The following EFNA5 variants were observed in gnomAD, a reference collection of about 807,000 sequenced individuals.
EFNA5 encodes the protein ephrin-A5.
In EFNA5, 5 loss-of-function variants were observed where a neutral mutation model predicts 22.9. That is an observed-to-expected ratio of 0.22 (90% confidence interval 0.11 to 0.46). EFNA5 has a LOEUF of 0.46. Ranked by LOEUF, EFNA5 falls within the 20% of genes least tolerant of loss-of-function variation. The probability of loss-of-function intolerance (pLI) is 0.99; values close to 1 mark genes in which losing one functional copy is unlikely to be tolerated. For synonymous variants in EFNA5, 113 were observed against 112.2 expected (o/e 1.01, Z -0.04); for missense variants, 237 against 293.3 (o/e 0.81, Z 1.40).
rs1385888674 is a variant in EFNA5, at chr5:107,617,237, C to CACACACAGAG, written c.125+53251_125+53252insCTCTGTGTGT. Among the ~76,000 whole-genome samples, 7 of 144,552 alleles carry CACACACAGAG rather than the reference C, an allele frequency of 4.8e-5. No homozygotes were observed. In the East Asian group the frequency reaches 8.1e-4, roughly 17 times the overall value. The allele number at this position is 144,552 out of a possible 152,430, so 94.8% of individuals were successfully genotyped here. A position where few individuals can be genotyped will look rare whatever the true frequency, so the allele number is the denominator to read the frequency against. On this transcript the variant is annotated intron_variant, in intron 1 of 4. Coordinates refer to ENST00000333274, the MANE Select transcript of EFNA5 (RefSeq NM_001962.3). The stretch of plus-strand genomic sequence containing the variant: ...ACACACACACACACACACACACACA[C>CACACACAGAG]AGAGAGAGAGAGAGAGAGAGAAAGA...
At chr5:107,495,479 G>A (rs1746952169) in intron 1 of EFNA5, among the ~76,000 whole-genome samples, 1 of 152,228 alleles carries the variant, frequency 6.6e-6, no homozygotes, top group Non-Finnish European at 1.5e-5. Flanking sequence ...CCTCATTCTT[G>A]AAGTCAGTGA....
At chr5:107,495,030 C>T (rs1328574188) in intron 1 of EFNA5, among the ~76,000 whole-genome samples, 3 of 152,142 alleles carry the variant, frequency 2.0e-5, no homozygotes, top group African/African-American at 4.8e-5. Flanking sequence ...ACAGACCACT[C>T]AGCTCTACCA....
rs576587026 is a variant in EFNA5 at position 107,608,262 on chromosome 5, A to G, written c.125+62227T>C. Reference sequence around the variant, plus strand: ...TGCTTGCTTTTCAGTTCAGTCCCCAAATGGCTCCGCCATTCTGTGATTCAC... The same window carrying G: ...TGCTTGCTTTTCAGTTCAGTCCCCAGATGGCTCCGCCATTCTGTGATTCAC... On this transcript the variant is annotated intron_variant, in intron 1 of 4. Coordinates refer to ENST00000333274, the MANE Select transcript of EFNA5 (RefSeq NM_001962.3). Among the ~76,000 whole-genome samples the G allele has an allele frequency of 7.2e-5, 11 of 152,202 alleles. No homozygotes were observed. In the East Asian group the frequency reaches 9.7e-4, roughly 13 times the overall value.
intron 2 of EFNA5, among the ~76,000 whole-genome samples, chr5:107,420,522 T>TAAAAAAAA (rs368304882): frequency 9.2e-6 from 1 of 109,058 alleles, no homozygotes; most frequent in African/African-American, 3.8e-5. Context: ...TCTGTGCTTT[T>TAAAAAAAA]AAAAAAAAAA....
At chr5:107,581,732 G>T (rs1749076627) in intron 1 of EFNA5, among the ~76,000 whole-genome samples, 1 of 152,120 alleles carries the variant, frequency 6.6e-6, no homozygotes, top group South Asian at 2.1e-4. Flanking sequence ...GTGTGTAAAT[G>T]GGAACAGGGA....
chr5:107,506,905 T>G (rs1481886389), intron 1 of EFNA5, among the ~76,000 whole-genome samples: 6 of 152,206 alleles, frequency 3.9e-5, no homozygotes, highest in Admixed American at 3.3e-4. Context: ...GTTTTTAATG[T>G]AAGTAAAAAT....
intron 1 of EFNA5, among the ~76,000 whole-genome samples, chr5:107,659,679 T>TA (rs1017426830): frequency 6.1e-5 from 9 of 148,444 alleles, no homozygotes; most frequent in Non-Finnish European, 7.5e-5. Context: ...TAGAGCTAAG[T>TA]AAAAAAAAAA....
intron 1 of EFNA5, among the ~76,000 whole-genome samples, chr5:107,583,000 T>C (rs78281258): frequency 0.13 from 19,747 of 152,086 alleles, 1,373 homozygotes; most frequent in Non-Finnish European, 0.15. Context: ...TTTAATTCCC[T>C]CCTATAGGGA....
At chr5:107,476,056 A>ATATATATATATATATATATTTTTT (rs1454967869) in intron 1 of EFNA5, among the ~76,000 whole-genome samples, 1 of 115,404 alleles carries the variant, frequency 8.7e-6, no homozygotes, top group African/African-American at 3.5e-5. Context: ...CTATATATAT[A>ATATATATATATATATATATTTTTT]TTTTTTTTTT....
At chr5:107,574,134 T>A (rs1004020516) in intron 1 of EFNA5, among the ~76,000 whole-genome samples, 6 of 152,224 alleles carry the variant, frequency 3.9e-5, no homozygotes, top group African/African-American at 1.4e-4. Context: ...ATGATAACTA[T>A]CAATTGGTTT....
chr5:107,537,532 G>T (rs1365290805), intron 1 of EFNA5, among the ~76,000 whole-genome samples: 1 of 152,206 alleles, frequency 6.6e-6, no homozygotes. Flanking sequence ...ACAGGAGCCA[G>T]GAGTTGCAGT....
At chr5:107,439,932 T>C (rs1749213312) in intron 1 of EFNA5, among the ~76,000 whole-genome samples, 1 of 152,238 alleles carries the variant, frequency 6.6e-6, no homozygotes. Context: ...AGGTACTTTG[T>C]TAACACCAGA....
At chr5:107,566,421 G>A (rs1430656779) in intron 1 of EFNA5, among the ~76,000 whole-genome samples, 2 of 152,136 alleles carry the variant, frequency 1.3e-5, no homozygotes, top group Non-Finnish European at 2.9e-5. Context: ...AAGTTCAAAC[G>A]TAAAGGAAAA....
chr5:107,474,587 T>C (rs1166104785), intron 1 of EFNA5, among the ~76,000 whole-genome samples: 1 of 152,148 alleles, frequency 6.6e-6, no homozygotes, highest in Admixed American at 6.6e-5. Context: ...GAACGAGGAA[T>C]GGTTTAATTG....
intron 1 of EFNA5, among the ~76,000 whole-genome samples, chr5:107,568,041 C>T (rs1220595232): frequency 6.6e-6 from 1 of 152,094 alleles, no homozygotes; most frequent in Non-Finnish European, 1.5e-5. Flanking sequence ...GGACTACAGG[C>T]ACATGCCACC....
At chr5:107,581,051 G>T (rs575784741) in intron 1 of EFNA5, among the ~76,000 whole-genome samples, 5 of 152,172 alleles carry the variant, frequency 3.3e-5, no homozygotes, top group African/African-American at 1.2e-4. Flanking sequence ...AGATGTGTGT[G>T]TACAAAATAT....
intron 2 of EFNA5, among the ~76,000 whole-genome samples, chr5:107,395,052 T>TTTTTTTTTTTTTTTC (rs1554056358): frequency 2.8e-5 from 4 of 144,194 alleles, no homozygotes; most frequent in Non-Finnish European, 3.0e-5. Context: ...TTTTTTTTTT[T>TTTTTTTTTTTTTTTC]CCGCGAGACA....
At chr5:107,451,047 TG>T (rs1279624213) in intron 1 of EFNA5, among the ~76,000 whole-genome samples, 1 of 152,252 alleles carries the variant, frequency 6.6e-6, no homozygotes, top group Non-Finnish European at 1.5e-5. Context: ...GCATAAAAGC[TG>T]GAGGTCTTAC....
chr5:107,589,539 G>A (rs893207339), intron 1 of EFNA5, among the ~76,000 whole-genome samples: 26 of 152,142 alleles, frequency 1.7e-4, no homozygotes, highest in African/African-American at 6.0e-4. Flanking sequence ...TTTAAAAACT[G>A]CAGAATGAAG....
Sources: gnomAD v4.1 joint callset for allele counts (sites outside exome capture counted in the v4.1 genomes callset) on GRCh38, gnomAD v4.1.1 for gene constraint, MANE v1.5 for transcripts, NCBI Gene and HGNC (gene_info 2026-07-23, HGNC 2026-07-21) for gene names.